IL5RA: variants seen among roughly 807,000 people sequenced by gnomAD.
IL5RA encodes interleukin 5 receptor subunit alpha.
In IL5RA, 49 loss-of-function variants were observed where a neutral mutation model predicts 50.0. The ratio of observed to expected loss-of-function variants is 0.98; its 90% CI spans 0.78 to 1.24. IL5RA has a LOEUF of 1.24. IL5RA is among the 50% of genes most tolerant of loss of function. IL5RA has a pLI of 0.00. For synonymous variants in IL5RA, 202 were observed against 174.0 expected, an observed-to-expected ratio of 1.16 and a Z score of -1.26; for missense variants, 600 against 500.4, an observed-to-expected ratio of 1.20 and a Z score of -1.90.
intron 7 of IL5RA, 113 bp downstream of exon 7, chr3:3,097,757 A>T: frequency 8.6e-7 from 1 of 1,168,228 alleles, no homozygotes. Flanking sequence ...CATGGGTCTG[A>T]TGCTTACTTG....
In IL5RA at chr3:3,110,216, G is replaced by C. The variant is rs1704117892; in HGVS notation, c.-417C>G. The stretch of plus-strand genomic sequence containing the variant: ...CTGCTGTCAAACGAAAGAATCTCTC[G>C]TCCAGATAGCCATTATCTGATAACT... On this transcript the variant is annotated 5_prime_UTR_variant, in exon 1 of 12. Transcript: ENST00000446632. 1.3e-5 allele frequency: 2 copies of C among 152,202 alleles called. No homozygotes were observed. The highest frequency in any genetic ancestry group is 2.9e-5 in the Non-Finnish European group (2 of 68,066). 9.4% of individuals were successfully genotyped at this position (152,202 alleles called of 1,614,324 possible).
chr3:3,110,003 A>G lies in IL5RA; in HGVS notation c.-204T>C, dbSNP rs17879322. On this transcript the variant is annotated 5_prime_UTR_variant, in exon 1 of 12. Transcript: ENST00000446632. ...CGGCAGGGCATTGAGAACGAACCTTATCTCTGGGTGCACTTTTTAACTTAG... is the reference window on the plus strand; with the variant it reads ...CGGCAGGGCATTGAGAACGAACCTTGTCTCTGGGTGCACTTTTTAACTTAG... The G allele has an allele frequency of 6.6e-6, 1 of 152,294 alleles. No individual in the cohort carries two copies. Among genetic ancestry groups the G allele is most frequent in the African/African-American group, 2.4e-5 (1 of 41,550 alleles). 9.4% of individuals were successfully genotyped at this position (152,294 alleles called of 1,614,324 possible).
At chr3:3,070,357 T>C (rs1437359046) in intron 11 of IL5RA, 46 bp from the exon 12 acceptor site, 10 of 1,266,074 alleles carry the variant, frequency 7.9e-6, no homozygotes, top group Non-Finnish European at 1.1e-5. Context: ...AGAGAACTTT[T>C]GGGTTCTTTG....
intron 7 of IL5RA, among the ~76,000 whole-genome samples, chr3:3,096,634 C>G (rs746274266): frequency 6.6e-6 from 1 of 152,198 alleles, no homozygotes; most frequent in Non-Finnish European, 1.5e-5. Flanking sequence ...TAGATCATAT[C>G]CATTTTCATA....
chr3:3,090,274 A>G (rs1703031945), intron 9 of IL5RA: 1 of 1,543,458 alleles, frequency 6.5e-7, no homozygotes, highest in Non-Finnish European at 8.9e-7. Flanking sequence ...ACAGAGAGAA[A>G]TTATTTGTCT....
rs1005041754 is a variant in IL5RA at position 3,068,426 on chromosome 3, A to T, written c.*1799T>A. 6.6e-6 allele frequency: 1 copy of T among 151,788 alleles called. No homozygotes were observed. Among genetic ancestry groups the T allele is most frequent in the Non-Finnish European group, 1.5e-5 (1 of 67,954 alleles). The allele number at this position is 151,788 out of a possible 1,614,324, so 9.4% of individuals were successfully genotyped here. On this transcript the variant is annotated 3_prime_UTR_variant, in exon 12 of 12. Coordinates refer to ENST00000446632, the MANE Select transcript of IL5RA (RefSeq NM_175726.4). The stretch of plus-strand genomic sequence containing the variant: ...AGCTTTACAAAAAAAAATACAAAAA[A>T]GAGCTGGGAATGGTGTTATGCACCT...
intron 9 of IL5RA, among the ~76,000 whole-genome samples, chr3:3,082,314 C>T (rs1702695944): frequency 6.6e-6 from 1 of 152,174 alleles, no homozygotes; most frequent in African/African-American, 2.4e-5. Flanking sequence ...TGCTCTGACT[C>T]AAGGAGAATA....
intron 5 of IL5RA, 135 bp downstream of exon 5, chr3:3,101,557 T>C (rs1050059270): frequency 4.1e-5 from 31 of 747,716 alleles, no homozygotes; most frequent in Middle Eastern, 3.6e-4. Context: ...TTGGTTAGGA[T>C]GTTGTTGATA....
intron 7 of IL5RA, 135 bp downstream of exon 7, chr3:3,097,735 G>A (rs954052690): frequency 6.5e-6 from 6 of 927,262 alleles, no homozygotes; most frequent in Non-Finnish European, 9.6e-6. Flanking sequence ...CCTTGCCCCA[G>A]TGGTTTTCAA....
chr3:3,090,330 G>C, intron 9 of IL5RA: 1 of 1,079,180 alleles, frequency 9.3e-7, no homozygotes, highest in Non-Finnish European at 1.4e-6. Context: ...TTAAACCTGG[G>C]CTTTCTATGT....
chr3:3,099,273 A>C (rs1319300000), intron 5 of IL5RA, among the ~76,000 whole-genome samples: 1 of 152,154 alleles, frequency 6.6e-6, no homozygotes, highest in Non-Finnish European at 1.5e-5. Context: ...AGGCGGGTGG[A>C]TATCTCTTGA....
chr3:3,104,735 C>T (rs1703822589), intron 3 of IL5RA, among the ~76,000 whole-genome samples, 168 bp downstream of exon 3: 2 of 152,142 alleles, frequency 1.3e-5, no homozygotes, highest in African/African-American at 4.8e-5. Flanking sequence ...ACATTGCTTT[C>T]TTAAAATATG....
At position 3,092,404 on chromosome 3, in the gene IL5RA, T is replaced by A; in HGVS notation, c.856-42A>T. On this transcript the variant is annotated intron_variant, in intron 8 of 11. Transcript: ENST00000446632. This position sits in a 1 kb window ranked among gnomAD's most constrained non-coding sequence, Gnocchi z 4.2. Reference sequence around the variant, plus strand: ...AGCATTAGAAGAATCTCTAGACACCTAATTTAGTTCTGCCGATTATCAGAA... The same window carrying A: ...AGCATTAGAAGAATCTCTAGACACCAAATTTAGTTCTGCCGATTATCAGAA... 6.3e-7 allele frequency: 1 copy of A among 1,590,420 alleles called. No individual in the cohort carries two copies. The highest frequency in any genetic ancestry group is 8.6e-7 in the Non-Finnish European group (1 of 1,165,346).
chr3:3,106,579 G>A (rs1263811497), intron 2 of IL5RA, among the ~76,000 whole-genome samples: 2 of 151,854 alleles, frequency 1.3e-5, no homozygotes, highest in East Asian at 1.9e-4. Flanking sequence ...AAACGATGAC[G>A]ATGACAACAA....
chr3:3,104,846 CTTTTACTAACATATTT>C, intron 3 of IL5RA, 41 bp downstream of exon 3: 1 of 1,053,734 alleles, frequency 9.5e-7, no homozygotes, highest in Non-Finnish European at 1.5e-6. Context: ...TAATGTTATC[CTTTTACTAACATATTT>C]TTAAAAATAA....
At chr3:3,103,216 C>G (rs79675774) in intron 3 of IL5RA, among the ~76,000 whole-genome samples, 286 of 152,306 alleles carry the variant, frequency 1.9e-3, no homozygotes, top group Non-Finnish European at 3.5e-3. Context: ...TTTTTAATAT[C>G]TTTTTTACGT....
chr3:3,091,306 GGAGA>G (rs1165397761), intron 9 of IL5RA, among the ~76,000 whole-genome samples: 1 of 152,216 alleles, frequency 6.6e-6, no homozygotes, highest in African/African-American at 2.4e-5. Context: ...ATAGAAGAGA[GGAGA>G]GAGAGATGGG....
chr3:3,093,859 G>A (rs893320620), intron 8 of IL5RA, among the ~76,000 whole-genome samples: 8 of 152,174 alleles, frequency 5.3e-5, no homozygotes, highest in Non-Finnish European at 1.0e-4. Flanking sequence ...AATTGGCTTT[G>A]TCTACTCTCT....
chr3:3,071,552 AGTGTGTGTGTGTGTGTGT>A lies in IL5RA; in HGVS notation c.1177-1259_1177-1242del, dbSNP rs55736610. Among the ~76,000 whole-genome samples, 1,060 of 136,056 alleles carry A rather than the reference AGTGTGTGTGTGTGTGTGT, an allele frequency of 7.8e-3. 10 individuals carry two copies. The highest frequency in any genetic ancestry group is 0.018 in the African/African-American group (636 of 35,704). The allele number at this position is 136,056 out of a possible 152,430, so 89.3% of individuals were successfully genotyped here. On this transcript the variant is annotated intron_variant, in intron 11 of 11. Transcript: ENST00000446632. Reference sequence around the variant, plus strand: ...CTAAAGGCCAACTTTCTTCCTTCACAGTGTGTGTGTGTGTGTGTGTGTGTGTGTGTGTGTGTGTGTGTG... The same window carrying A: ...CTAAAGGCCAACTTTCTTCCTTCACAGTGTGTGTGTGTGTGTGTGTGTGTG...
Sources: gnomAD v4.1 joint callset for allele counts (sites outside exome capture counted in the v4.1 genomes callset) on GRCh38, gnomAD v4.1.1 for gene constraint, Gnocchi (gnomAD v3.1) non-coding constraint, MANE v1.5 for transcripts, NCBI Gene and HGNC (gene_info 2026-07-23, HGNC 2026-07-21) for gene names.